The following ABL1 variants were observed in gnomAD, a reference collection of about 807,000 sequenced individuals.
ABL1 encodes ABL proto-oncogene 1, non-receptor tyrosine kinase.
In ABL1, 11 loss-of-function variants were observed where a neutral mutation model predicts 94.7. That is an observed-to-expected ratio of 0.12 (90% CI 0.07 to 0.19). ABL1 has a LOEUF of 0.19. Ranked by LOEUF, ABL1 falls within the 10% of genes least tolerant of loss-of-function variation. The pLI is 1.00. For synonymous variants in ABL1, 656 were observed against 622.4 expected (o/e 1.05, Z -0.80); for missense variants, 1,082 against 1,489.4 (o/e 0.73, Z 4.50).
intron 1 of ABL1, among the ~76,000 whole-genome samples, chr9:130,751,606 A>G (rs1270467638): frequency 7.8e-6 from 1 of 127,880 alleles, no homozygotes; most frequent in Non-Finnish European, 1.6e-5. Flanking sequence ...CCTCTTCAGG[A>G]ATTGGGAAGG....
intron 1 of ABL1, among the ~76,000 whole-genome samples, chr9:130,839,800 G>A (rs1258361261): frequency 1.3e-5 from 2 of 152,162 alleles, no homozygotes; most frequent in Non-Finnish European, 2.9e-5. Context: ...ATGTTGATAC[G>A]AGATTCCTCT....
rs77591835 is a variant in ABL1, at chr9:130,755,860, C to T, written c.136+41405C>T. ...TTCCATCTGCAGATGGCAGTTCTAGCTGCGAGGTTGGTGGCCGAGGAGGAC... is the reference window on the plus strand; with the variant it reads ...TTCCATCTGCAGATGGCAGTTCTAGTTGCGAGGTTGGTGGCCGAGGAGGAC... On this transcript the variant is annotated intron_variant, in intron 1 of 10. Coordinates refer to the ABL1 transcript ENST00000372348. 1.2e-4 allele frequency among the ~76,000 whole-genome samples: 18 copies of T among 152,290 alleles called. No individual in the cohort carries two copies. The East Asian group carries it at 3.3e-3, about 28-fold the overall frequency.
chr9:130,865,124 G>A (rs1156928407), intron 4 of ABL1, among the ~76,000 whole-genome samples: 1 of 152,184 alleles, frequency 6.6e-6, no homozygotes, highest in Non-Finnish European at 1.5e-5. Flanking sequence ...CTTTCAGAAT[G>A]TGCTTTACTA....
intron 1 of ABL1, among the ~76,000 whole-genome samples, chr9:130,745,963 C>A (rs1482676252): frequency 6.6e-6 from 1 of 152,188 alleles, no homozygotes; most frequent in Admixed American, 6.5e-5. Context: ...AGTACAGACT[C>A]TGGAACATGT....
At chr9:130,815,882 C>T (rs957767839) in intron 1 of ABL1, among the ~76,000 whole-genome samples, 3 of 151,936 alleles carry the variant, frequency 2.0e-5, no homozygotes, top group East Asian at 1.9e-4. Flanking sequence ...ATTAGCTGGG[C>T]GTGATGGCGC....
chr9:130,749,430 A>G (rs1831928163), intron 1 of ABL1, among the ~76,000 whole-genome samples: 3 of 152,266 alleles, frequency 2.0e-5, no homozygotes, highest in African/African-American at 7.2e-5. Flanking sequence ...ACAGAATTAC[A>G]TGGCATTTCC....
At position 130,773,792 on chromosome 9, in the gene ABL1, T is replaced by C. The variant is rs565155962; in HGVS notation, c.136+59337T>C. Among the ~76,000 whole-genome samples the C allele has an allele frequency of 6.6e-5, 10 of 152,202 alleles. No homozygotes were observed. In the South Asian group the frequency reaches 2.1e-3, roughly 32 times the overall value. On this transcript the variant is annotated intron_variant, in intron 1 of 10. Transcript: ENST00000372348. ...CATTGTGCCCGGCTCCCCAATAGTT[T>C]TATTGAGGTATAACTGACATAAAAT...
At chr9:130,715,253 C>T (rs916915416) in intron 1 of ABL1, among the ~76,000 whole-genome samples, 1 of 152,222 alleles carries the variant, frequency 6.6e-6, no homozygotes, top group Non-Finnish European at 1.5e-5. Flanking sequence ...ACACTGATGT[C>T]TATAACCAGT....
chr9:130,873,099 T>C (rs1271712455), intron 6 of ABL1, 62 bp downstream of exon 6: 1 of 1,542,968 alleles, frequency 6.5e-7, no homozygotes. Context: ...GGGCAGCCTT[T>C]TACAAAAAGC....
intron 3 of ABL1, among the ~76,000 whole-genome samples, chr9:130,858,981 T>C (rs1391932540): frequency 6.6e-6 from 1 of 152,140 alleles, no homozygotes; most frequent in Non-Finnish European, 1.5e-5. Flanking sequence ...GCTGGACTCT[T>C]GAAGGGGCCA....
chr9:130,742,750 G>A (rs1024259735), intron 1 of ABL1, among the ~76,000 whole-genome samples: 6 of 152,060 alleles, frequency 3.9e-5, no homozygotes, highest in African/African-American at 1.2e-4. Flanking sequence ...AATTTTGTGA[G>A]CAAACAAATA....
At chr9:130,771,648 C>G (rs1382794438) in intron 1 of ABL1, among the ~76,000 whole-genome samples, 1 of 151,694 alleles carries the variant, frequency 6.6e-6, no homozygotes, top group Non-Finnish European at 1.5e-5. Flanking sequence ...TATTTTTAAC[C>G]TAATGTGTTC....
At chr9:130,832,860 C>T (rs775400990), upstream of ABL1, among the ~76,000 whole-genome samples, 29 of 152,148 alleles carry the variant, frequency 1.9e-4, no homozygotes, top group Middle Eastern at 3.4e-3. Context: ...CTTTCAAAAG[C>T]GTCAAAAGCT....
At chr9:130,782,819 T>C (rs137935595) in intron 1 of ABL1, among the ~76,000 whole-genome samples, 13 of 152,366 alleles carry the variant, frequency 8.5e-5, no homozygotes, top group African/African-American at 3.1e-4. Flanking sequence ...AAGGACAGAT[T>C]GTACTTACCA....
chr9:130,724,767 AAAAG>A (rs1284352868), intron 1 of ABL1: 7 of 470,038 alleles, frequency 1.5e-5, no homozygotes, highest in Non-Finnish European at 2.5e-5. Flanking sequence ...AAAAAAAAAA[AAAAG>A]CAAATAAATT....
Position 130,748,411 on chromosome 9 carries a change from C to CT in ABL1, c.136+33966dup, listed in dbSNP as rs377618063. On this transcript the variant is annotated intron_variant, in intron 1 of 10. Transcript: ENST00000372348. ...AATATAAGAGTTGAATGTTGTATCA[C>CT]TTTTTTTTTTCCTTTTTCTGAGACA... Among the ~76,000 whole-genome samples, 91 of 149,610 alleles carry CT rather than the reference C, an allele frequency of 6.1e-4. 1 individual carries two copies. Among genetic ancestry groups the CT allele is most frequent in the South Asian group, 8.5e-4 (4 of 4,694 alleles).
At position 130,862,683 on chromosome 9, in the gene ABL1, G is replaced by A; in HGVS notation, c.550-80G>A. ...GAGATTTTGCTGTGTAGTGAATTAAGGCTCAGCCAAACTGGCTCACGTGAG... is the reference window on the plus strand; with the variant it reads ...GAGATTTTGCTGTGTAGTGAATTAAAGCTCAGCCAAACTGGCTCACGTGAG... On this transcript the variant is annotated intron_variant, in intron 3 of 10. Transcript: ENST00000318560. The surrounding 1 kb of genome is among the most constrained non-coding windows in gnomAD (Gnocchi z 5.5). 6.6e-7 allele frequency: 1 copy of A among 1,517,524 alleles called. No homozygotes were observed. The highest frequency in any genetic ancestry group is 8.9e-7 in the Non-Finnish European group (1 of 1,124,692). 94.0% of individuals were successfully genotyped at this position (1,517,524 alleles called of 1,614,324 possible). A position where few individuals can be genotyped will look rare whatever the true frequency, so the allele number is the denominator to read the frequency against.
chr9:130,783,990 G>A (rs1208003268), intron 1 of ABL1, among the ~76,000 whole-genome samples: 1 of 152,080 alleles, frequency 6.6e-6, no homozygotes, highest in African/African-American at 2.4e-5. Context: ...CGTCCACAAG[G>A]TAAGGAAATT....
At position 130,880,741 on chromosome 9, in the gene ABL1, A is replaced by T. The variant is rs1831437922; in HGVS notation, c.1678+77A>T. 6.5e-7 allele frequency: 1 copy of T among 1,532,616 alleles called. No individual in the cohort carries two copies. Among genetic ancestry groups the T allele is most frequent in the South Asian group, 1.2e-5 (1 of 82,718 alleles). The allele number at this position is 1,532,616 out of a possible 1,614,324, so 94.9% of individuals were successfully genotyped here. On this transcript the variant is annotated intron_variant, in intron 10 of 10. Coordinates refer to ENST00000318560, the MANE Select transcript of ABL1 (RefSeq NM_005157.6). The surrounding 1 kb of genome is among the most constrained non-coding windows in gnomAD (Gnocchi z 4.4). ...GCTACATTCAGGCCATCATAGGCCA[A>T]CGGGAAGCTGTGAATGGAGCCCGCA...
Sources: gnomAD v4.1 joint callset for allele counts (sites outside exome capture counted in the v4.1 genomes callset) on GRCh38, gnomAD v4.1.1 for gene constraint, Gnocchi (gnomAD v3.1) non-coding constraint, MANE v1.5 for transcripts, NCBI Gene and HGNC (gene_info 2026-07-23, HGNC 2026-07-21) for gene names.